CD276: variants seen among roughly 807,000 people sequenced by gnomAD.
CD276 encodes CD276 molecule.
In CD276, 34 loss-of-function variants were observed where a neutral mutation model predicts 50.0. The observed-to-expected ratio is 0.68, with a 90% CI of 0.52 to 0.91. The LOEUF is 0.91. CD276 is among the 40% of genes least tolerant of loss of function. The pLI, the probability that CD276 is intolerant of heterozygous loss-of-function variation, is 0.00. For synonymous variants in CD276, 275 were observed against 313.0 expected, an observed-to-expected ratio of 0.88 and a Z score of 1.28; for missense variants, 634 against 717.5, an observed-to-expected ratio of 0.88 and a Z score of 1.33.
At chr15:73,690,644 C>T (rs955922501) in intron 1 of CD276, 1 of 454,038 alleles carries the variant, frequency 2.2e-6, no homozygotes, top group African/African-American at 2.0e-5. Context: ...CCTGTGATAA[C>T]AGCATTAATC....
In CD276 at chr15:73,704,142, C is replaced by T. The variant is rs779785470; in HGVS notation, c.1073-34C>T. 6.3e-7 allele frequency: 1 copy of T among 1,597,506 alleles called. No homozygotes were observed. Among genetic ancestry groups the T allele is most frequent in the Admixed American group, 1.7e-5 (1 of 58,170 alleles). Reference sequence around the variant, plus strand: ...CATCCTTTTCCTCCCCTGCCATTGCCCTGCCCTTGACCCCTGCCCTCTGTC... The same window carrying T: ...CATCCTTTTCCTCCCCTGCCATTGCTCTGCCCTTGACCCCTGCCCTCTGTC... On this transcript the variant is annotated intron_variant, in intron 5 of 9. Transcript: ENST00000318443. The surrounding 1 kb of genome is among the most constrained non-coding windows in gnomAD (Gnocchi z 4.1).
At chr15:73,710,753 G>A (rs529691791) in intron 8 of CD276, among the ~76,000 whole-genome samples, 12 of 152,282 alleles carry the variant, frequency 7.9e-5, no homozygotes, top group Admixed American at 7.2e-4. Flanking sequence ...TGATGGAGTT[G>A]GTCAGTCTCA....
At position 73,704,016 on chromosome 15, in the gene CD276, A is replaced by G. The variant is rs377047562; in HGVS notation, c.1072+19A>G. 20 of 1,600,254 alleles carry G rather than the reference A, an allele frequency of 1.2e-5. No homozygotes were observed. The highest frequency in any genetic ancestry group is 1.7e-4 in the Middle Eastern group (1 of 6,000). On this transcript the variant is annotated intron_variant, in intron 5 of 9. Coordinates refer to ENST00000318443, the MANE Select transcript of CD276 (RefSeq NM_001024736.2). The surrounding 1 kb of genome is among the most constrained non-coding windows in gnomAD (Gnocchi z 4.1). ...GTGGCCGGTGAGCACCAGGAGGGCG[A>G]CGCCTTCCCCTTGGTTCACCCTCCA...
chr15:73,690,874 G>A, intron 1 of CD276: 2 of 451,340 alleles, frequency 4.4e-6, no homozygotes, highest in South Asian at 3.1e-5. Flanking sequence ...GCAGGGCCAG[G>A]GCAGATGGGG....
chr15:73,690,472 G>T (rs982345615), intron 1 of CD276, among the ~76,000 whole-genome samples: 9 of 152,186 alleles, frequency 5.9e-5, no homozygotes, highest in Non-Finnish European at 1.2e-4. Flanking sequence ...AGAAAAAAAG[G>T]TTATTTGGCT....
At chr15:73,708,643 T>A in intron 7 of CD276, 170 bp downstream of exon 7, 1 of 697,562 alleles carries the variant, frequency 1.4e-6, no homozygotes, top group Non-Finnish European at 2.4e-6. Context: ...CTTGTGTGTG[T>A]GAACAAGCGT....
At chr15:73,694,156 C>T (rs1235375679) in intron 1 of CD276, among the ~76,000 whole-genome samples, 1 of 152,172 alleles carries the variant, frequency 6.6e-6, no homozygotes, top group Non-Finnish European at 1.5e-5. Flanking sequence ...CCTCCACGTG[C>T]TTCATCTCCA....
chr15:73,700,433 C>T (rs546679794), intron 2 of CD276, among the ~76,000 whole-genome samples: 1 of 152,330 alleles, frequency 6.6e-6, no homozygotes, highest in Non-Finnish European at 1.5e-5. Flanking sequence ...GGGTCTGGCG[C>T]CATCTTGTGG....
chr15:73,711,856 T>C (rs1222908070), intron 9 of CD276: 1 of 152,304 alleles, frequency 6.6e-6, no homozygotes, highest in Non-Finnish European at 1.5e-5. Context: ...CAGATGGAGA[T>C]AAAAAGTGTC....
Position 73,708,193 on chromosome 15 carries a change from G to A in CD276, c.1370-146G>A, listed in dbSNP as rs571448804. ...GGGTTTGGGGAGTGTATGGCGAAGG[G>A]ACTGTAGGAACTTAAGTGAGCTTTA... On this transcript the variant is annotated intron_variant, in intron 6 of 9. Transcript: ENST00000318443. 122 of 804,608 alleles carry A rather than the reference G, an allele frequency of 1.5e-4. No homozygotes were observed. In the African/African-American group the frequency reaches 1.7e-3, roughly 11 times the overall value. 49.8% of individuals were successfully genotyped at this position (804,608 alleles called of 1,614,324 possible). A position where few individuals can be genotyped will look rare whatever the true frequency, so the allele number is the denominator to read the frequency against.
In CD276 at chr15:73,713,535, TTCC is replaced by T. The variant is rs1900998129; in HGVS notation, c.*585_*587del. On this transcript the variant is annotated 3_prime_UTR_variant, in exon 10 of 10. Transcript: ENST00000318443. Reference sequence around the variant, plus strand: ...CTAGAAGCTGTTTCCTTTCCCCTCCTTCCTCCTCTTGCTCTAGCCTTAATACTG... The same window carrying T: ...CTAGAAGCTGTTTCCTTTCCCCTCCTTCCTCTTGCTCTAGCCTTAATACTG... The T allele has an allele frequency of 3.4e-6, 1 of 297,716 alleles. No individual in the cohort carries two copies. Among genetic ancestry groups the T allele is most frequent in the Non-Finnish European group, 6.4e-6 (1 of 155,040 alleles). 18.4% of individuals were successfully genotyped at this position (297,716 alleles called of 1,614,324 possible). A position where few individuals can be genotyped will look rare whatever the true frequency, so the allele number is the denominator to read the frequency against.
chr15:73,699,738 G>C lies in CD276; in HGVS notation c.79+20G>C, dbSNP rs775840973. On this transcript the variant is annotated intron_variant, in intron 2 of 9. Transcript: ENST00000318443. ...TCACAGGTGAGGGTAGCAGCATGGG[G>C]ACGGGAGGGGAGGGACAGTGATTGT... is the stretch of plus-strand genomic sequence containing the variant. 2 of 1,574,972 alleles carry C rather than the reference G, an allele frequency of 1.3e-6. No homozygotes were observed. Among genetic ancestry groups the C allele is most frequent in the Non-Finnish European group, 1.7e-6 (2 of 1,158,990 alleles).
intron 1 of CD276, chr15:73,686,299 C>G (rs1212779801): frequency 1.0e-6 from 1 of 985,040 alleles, no homozygotes; most frequent in Non-Finnish European, 1.2e-6. Context: ...ATGAGCTTGT[C>G]AGAGGTAAGG....
At position 73,703,770 on chromosome 15, in the gene CD276, A is replaced by T; in HGVS notation, c.845A>T (p.Asn282Ile). Residue 282 changes from asparagine (N) to isoleucine (I), a missense_variant, in exon 5 of 10, where the codon AAC becomes ATC. Coordinates refer to ENST00000318443, the MANE Select transcript of CD276 (RefSeq NM_001024736.2). ...CCTGGCTTCAGCCTGGCACAGCTCA[A>T]CCTCATCTGGCAGCTGACAGACACC... The part of the protein sequence containing the change: ...PEPGFSLAQL[N>I]LIWQLTDTKQ... 1 of 1,613,532 alleles carries T rather than the reference A, an allele frequency of 6.2e-7. No homozygotes were observed. The highest frequency in any genetic ancestry group is 1.1e-5 in the South Asian group (1 of 91,086).
intron 8 of CD276, 151 bp downstream of exon 8, chr15:73,709,840 G>C (rs1405106544): frequency 2.8e-6 from 2 of 706,056 alleles, no homozygotes; most frequent in African/African-American, 3.7e-5. Flanking sequence ...CGGTGAGTCT[G>C]CTCTTTGCCC....
chr15:73,704,587 A>G lies in CD276; in HGVS notation c.1369+115A>G. ...CCAGAAGACTTTCAAAATCCCTTTC[A>G]TAGACTTCAGGTGCTCACACTCTTC... On this transcript the variant is annotated intron_variant, in intron 6 of 9. Transcript: ENST00000318443. This position sits in a 1 kb window ranked among gnomAD's most constrained non-coding sequence, Gnocchi z 4.1. The G allele has an allele frequency of 2.2e-6, 3 of 1,365,856 alleles. No homozygotes were observed. Among genetic ancestry groups the G allele is most frequent in the Non-Finnish European group, 3.0e-6 (3 of 1,012,060 alleles). 84.6% of individuals were successfully genotyped at this position (1,365,856 alleles called of 1,614,324 possible).
intron 2 of CD276, among the ~76,000 whole-genome samples, 164 bp from the exon 3 acceptor site, chr15:73,702,091 A>G (rs1236639881): frequency 2.6e-5 from 4 of 152,192 alleles, no homozygotes; most frequent in African/African-American, 9.7e-5. Context: ...GGTGCTGACT[A>G]TATTCTTGAC....
chr15:73,704,126 C>G lies in CD276; in HGVS notation c.1073-50C>G. On this transcript the variant is annotated intron_variant, in intron 5 of 9. Transcript: ENST00000318443. The surrounding 1 kb of genome is among the most constrained non-coding windows in gnomAD (Gnocchi z 4.1). Reference sequence around the variant, plus strand: ...TGTACTCAGCCCCATGCATCCTTTTCCTCCCCTGCCATTGCCCTGCCCTTG... The same window carrying G: ...TGTACTCAGCCCCATGCATCCTTTTGCTCCCCTGCCATTGCCCTGCCCTTG... 1.3e-6 allele frequency: 2 copies of G among 1,589,058 alleles called. No homozygotes were observed. Among genetic ancestry groups the G allele is most frequent in the Non-Finnish European group, 1.7e-6 (2 of 1,166,334 alleles).
intron 6 of CD276, among the ~76,000 whole-genome samples, chr15:73,705,647 T>C (rs11574484): frequency 0.19 from 28,687 of 151,936 alleles, 3,965 homozygotes; most frequent in African/African-American, 0.39. Context: ...AGCATATGGT[T>C]TGGTGGTGAA....
Sources: gnomAD v4.1 joint callset for allele counts (sites outside exome capture counted in the v4.1 genomes callset) on GRCh38, gnomAD v4.1.1 for gene constraint, Gnocchi (gnomAD v3.1) non-coding constraint, MANE v1.5 for transcripts, NCBI Gene and HGNC (gene_info 2026-07-23, HGNC 2026-07-21) for gene names.